Variants in CLSTN2 observed in about 807,000 individuals in gnomAD.
CLSTN2 encodes the protein calsyntenin 2, also known as calsyntenin-2.
A neutral mutation model predicts 101.2 loss-of-function variants in CLSTN2; 48 were observed. The ratio of observed to expected loss-of-function variants is 0.47; its 90% confidence interval spans 0.38 to 0.60. The LOEUF is 0.60. CLSTN2 is among the 20% of genes least tolerant of loss of function. The pLI is 0.00. For synonymous variants in CLSTN2, 481 were observed against 463.6 expected (o/e 1.04, Z -0.48); for missense variants, 1,160 against 1,238.2 (o/e 0.94, Z 0.95).
chr3:139,976,594 C>G (rs1935822775), intron 1 of CLSTN2, among the ~76,000 whole-genome samples: 1 of 152,182 alleles, frequency 6.6e-6, no homozygotes, highest in Non-Finnish European at 1.5e-5. Context: ...CCCTCCCTTT[C>G]CCACTGTGCC....
intron 2 of CLSTN2, among the ~76,000 whole-genome samples, chr3:140,247,161 G>T (rs1405947422): frequency 6.6e-6 from 1 of 152,130 alleles, no homozygotes; most frequent in East Asian, 1.9e-4. Context: ...AGACGTTGGG[G>T]TCTTGACTTG....
At chr3:140,402,748 A>G (rs771296640) in intron 2 of CLSTN2, among the ~76,000 whole-genome samples, 53 of 152,224 alleles carry the variant, frequency 3.5e-4, no homozygotes, top group Admixed American at 2.7e-3. Context: ...CCCCACCACC[A>G]TCTCTGGGAC....
At chr3:140,287,834 T>A (rs1340905869) in intron 2 of CLSTN2, among the ~76,000 whole-genome samples, 1 of 152,136 alleles carries the variant, frequency 6.6e-6, no homozygotes, top group Non-Finnish European at 1.5e-5. Context: ...GATCCCCAAA[T>A]CATTGAGCCA....
At chr3:140,156,339 G>T (rs1367640825) in intron 1 of CLSTN2, among the ~76,000 whole-genome samples, 1 of 152,144 alleles carries the variant, frequency 6.6e-6, no homozygotes, top group Non-Finnish European at 1.5e-5. Flanking sequence ...ATATTTCCAG[G>T]AATATGCTTC....
At chr3:139,965,646 G>T (rs919574953) in intron 1 of CLSTN2, among the ~76,000 whole-genome samples, 18 of 152,176 alleles carry the variant, frequency 1.2e-4, no homozygotes, top group African/African-American at 4.3e-4. Context: ...TCCTTTCTCA[G>T]GCTTCCAACC....
intron 2 of CLSTN2, among the ~76,000 whole-genome samples, chr3:140,182,227 G>C (rs1411956041): frequency 1.3e-5 from 2 of 152,148 alleles, no homozygotes; most frequent in South Asian, 2.1e-4. Context: ...CTCTATTCAA[G>C]GCAAGGATTG....
intron 8 of CLSTN2, among the ~76,000 whole-genome samples, chr3:140,520,417 G>C (rs769004451): frequency 6.6e-6 from 1 of 152,214 alleles, no homozygotes; most frequent in Admixed American, 6.5e-5. Context: ...GGAGAAATAG[G>C]CACCTTCTTC....
At chr3:140,334,326 C>T (rs930932004) in intron 2 of CLSTN2, among the ~76,000 whole-genome samples, 5 of 152,204 alleles carry the variant, frequency 3.3e-5, no homozygotes, top group Non-Finnish European at 7.3e-5. Flanking sequence ...ATGACACATT[C>T]CCATGGCTGT....
At chr3:140,198,465 C>T (rs1055916967) in intron 2 of CLSTN2, among the ~76,000 whole-genome samples, 1 of 152,192 alleles carries the variant, frequency 6.6e-6, no homozygotes, top group African/African-American at 2.4e-5. Flanking sequence ...CTCTGGAGCT[C>T]AGGGTCCTCT....
intron 1 of CLSTN2, among the ~76,000 whole-genome samples, chr3:139,965,762 G>A (rs1935588347): frequency 6.6e-6 from 1 of 152,116 alleles, no homozygotes; most frequent in Non-Finnish European, 1.5e-5. Context: ...GAGCCCTCAT[G>A]TAGCCTCCTC....
chr3:140,005,369 G>A (rs1385276756), intron 1 of CLSTN2, among the ~76,000 whole-genome samples: 1 of 152,118 alleles, frequency 6.6e-6, no homozygotes, highest in Non-Finnish European at 1.5e-5. Flanking sequence ...GTACTTGTTT[G>A]TTGATGACCT....
At chr3:140,049,255 A>G (rs2007941763) in intron 1 of CLSTN2, among the ~76,000 whole-genome samples, 1 of 152,234 alleles carries the variant, frequency 6.6e-6, no homozygotes, top group African/African-American at 2.4e-5. Flanking sequence ...CGTCTTCCTG[A>G]AAGCTGTTGC....
At chr3:140,353,005 T>C (rs62268025) in intron 2 of CLSTN2, among the ~76,000 whole-genome samples, 12,798 of 152,202 alleles carry the variant, frequency 0.084, 666 homozygotes, top group Middle Eastern at 0.14. Context: ...TTGTCATTAT[T>C]CCCTTAACAA....
chr3:140,363,516 A>G (rs1214580118), intron 2 of CLSTN2, among the ~76,000 whole-genome samples: 1 of 152,244 alleles, frequency 6.6e-6, no homozygotes, highest in Non-Finnish European at 1.5e-5. Context: ...TAAAAAATAG[A>G]TTCTGATTCT....
At chr3:140,310,453 C>A (rs989653230) in intron 2 of CLSTN2, among the ~76,000 whole-genome samples, 2 of 152,262 alleles carry the variant, frequency 1.3e-5, no homozygotes, top group Admixed American at 1.3e-4. Context: ...AGGCACCACC[C>A]GCTTCTCACA....
At chr3:140,076,044 A>G (rs915326422) in intron 1 of CLSTN2, among the ~76,000 whole-genome samples, 1 of 152,140 alleles carries the variant, frequency 6.6e-6, no homozygotes, top group African/African-American at 2.4e-5. Flanking sequence ...TGGAAACTTT[A>G]CACCTCTTAC....
At chr3:140,076,671 A>C (rs1471841570) in intron 1 of CLSTN2, among the ~76,000 whole-genome samples, 4 of 100,570 alleles carry the variant, frequency 4.0e-5, no homozygotes, top group African/African-American at 1.6e-4. Flanking sequence ...TTCGAGGCCC[A>C]CCTTCTCTCT....
intron 2 of CLSTN2, among the ~76,000 whole-genome samples, chr3:140,377,347 A>C (rs2087928234): frequency 6.6e-6 from 1 of 152,224 alleles, no homozygotes; most frequent in South Asian, 2.1e-4. Context: ...TTGCTATTTC[A>C]GAGCATAGTC....
intron 4 of CLSTN2, 132 bp from the exon 5 acceptor site, chr3:140,420,993 T>A: frequency 1.0e-6 from 1 of 964,940 alleles, no homozygotes; most frequent in East Asian, 2.5e-5. Context: ...TGTTTGCCCT[T>A]GTTTTTACAA....
Sources: allele counts gnomAD v4.1 joint callset (sites outside exome capture counted in the v4.1 genomes callset), GRCh38; gene constraint gnomAD v4.1.1; transcripts MANE v1.5; gene names NCBI Gene and HGNC (gene_info 2026-07-23, HGNC 2026-07-21).